FANK1: variants seen among roughly 807,000 people sequenced by gnomAD.
FANK1 encodes fibronectin type 3 and ankyrin repeat domains protein 1.
Under a neutral mutation model 45.3 loss-of-function variants are expected in FANK1, and 44 were observed. The ratio of observed to expected loss-of-function variants is 0.97; its 90% CI spans 0.76 to 1.25. The LOEUF is 1.25. Ranked by LOEUF, FANK1 falls within the 50% of genes most tolerant of loss-of-function variation. The pLI, the probability that FANK1 is intolerant of heterozygous loss-of-function variation, is 0.00. For missense variants in FANK1, 391 were observed against 424.4 expected (o/e 0.92, Z 0.69); for synonymous variants, 149 against 152.5 (o/e 0.98, Z 0.17).
At chr10:125,961,083 TTCG>T (rs1284450513) in intron 1 of FANK1, among the ~76,000 whole-genome samples, 1 of 152,172 alleles carries the variant, frequency 6.6e-6, no homozygotes, top group Non-Finnish European at 1.5e-5. Flanking sequence ...AAGTAATGTA[TTCG>T]TCTACAGCCA....
chr10:125,973,898 T>C (rs1264632357), intron 1 of FANK1: 1 of 152,194 alleles, frequency 6.6e-6, no homozygotes, highest in African/African-American at 2.4e-5. Context: ...GTAGTGTTTT[T>C]TGCGTGTTAT....
At chr10:125,964,543 G>A (rs547759122) in intron 1 of FANK1, among the ~76,000 whole-genome samples, 3 of 152,082 alleles carry the variant, frequency 2.0e-5, no homozygotes, top group East Asian at 1.9e-4. Context: ...TTTGTGATTC[G>A]ACCTTACCCT....
At chr10:125,906,154 A>G (rs1945492928) in intron 1 of FANK1, among the ~76,000 whole-genome samples, 1 of 152,230 alleles carries the variant, frequency 6.6e-6, no homozygotes, top group Non-Finnish European at 1.5e-5. Flanking sequence ...CTAGTCTTTA[A>G]TATTCTGCCC....
At chr10:125,914,122 A>G (rs1946253039) in intron 1 of FANK1, among the ~76,000 whole-genome samples, 1 of 152,170 alleles carries the variant, frequency 6.6e-6, no homozygotes, top group Non-Finnish European at 1.5e-5. Context: ...TCATTACAGT[A>G]TGAAACCCTG....
intron 1 of FANK1, among the ~76,000 whole-genome samples, chr10:125,946,014 G>A (rs1434766114): frequency 6.6e-6 from 1 of 152,118 alleles, no homozygotes; most frequent in Non-Finnish European, 1.5e-5. Context: ...ACCTCACACG[G>A]CAGGGTATTC....
At chr10:125,956,225 T>C (rs1356461871) in intron 1 of FANK1, among the ~76,000 whole-genome samples, 1 of 106,430 alleles carries the variant, frequency 9.4e-6, no homozygotes, top group African/African-American at 3.5e-5. Context: ...GTGGTGGGGG[T>C]AAAGGGAGGA....
chr10:125,902,138 C>T (rs1174370212), intron 1 of FANK1, among the ~76,000 whole-genome samples: 1 of 152,018 alleles, frequency 6.6e-6, no homozygotes, highest in Non-Finnish European at 1.5e-5. Context: ...GGAGGGATAG[C>T]GTTAGGAGAT....
chr10:125,985,502 A>T (rs1184756150), intron 2 of FANK1, among the ~76,000 whole-genome samples: 1 of 152,098 alleles, frequency 6.6e-6, no homozygotes, highest in East Asian at 1.9e-4. Flanking sequence ...TTTTACTTTT[A>T]TGGTAAATGT....
At chr10:125,960,886 A>T (rs571798931) in intron 1 of FANK1, among the ~76,000 whole-genome samples, 67 of 152,260 alleles carry the variant, frequency 4.4e-4, no homozygotes, top group African/African-American at 1.6e-3. Context: ...AGAAATAAAA[A>T]AAATCTTAAA....
intron 1 of FANK1, among the ~76,000 whole-genome samples, chr10:125,929,544 A>AT (rs1947610753): frequency 6.6e-6 from 1 of 152,178 alleles, no homozygotes; most frequent in African/African-American, 2.4e-5. Context: ...ATTTTGGGGT[A>AT]TTTTTTTGAG....
rs553679922 is a variant in FANK1 at position 125,990,177 on chromosome 10, T to C, written c.316+1502T>C. On this transcript the variant is annotated intron_variant, in intron 3 of 10. Transcript: ENST00000368693. ...ATGAACACTTCTTGCATCTTAAGTA[T>C]TTGTCTACCTTTTGGTCTCTCACCT... is the stretch of plus-strand genomic sequence containing the variant. 2.6e-5 allele frequency among the ~76,000 whole-genome samples: 4 copies of C among 152,336 alleles called. No individual in the cohort carries two copies. The East Asian group carries it at 7.7e-4, about 29-fold the overall frequency.
chr10:125,988,377 G>A (rs114726015), intron 2 of FANK1, among the ~76,000 whole-genome samples, 174 bp from the exon 3 acceptor site: 2,108 of 152,292 alleles, frequency 0.014, 48 homozygotes, highest in African/African-American at 0.046. Context: ...GGATAGGGAT[G>A]GGGCGCCATG....
intron 1 of FANK1, among the ~76,000 whole-genome samples, chr10:125,929,173 G>A (rs2134139576): frequency 6.6e-6 from 1 of 152,330 alleles, no homozygotes; most frequent in East Asian, 1.9e-4. Context: ...TTGAGCTGCA[G>A]AAAGAAACAG....
chr10:125,896,986 C>T (rs1390072360), intron 1 of FANK1, among the ~76,000 whole-genome samples: 1 of 152,280 alleles, frequency 6.6e-6, no homozygotes, highest in African/African-American at 2.4e-5. Flanking sequence ...TTTACTCCTC[C>T]TCCTACTCAT....
At chr10:125,980,093 T>G (rs1951101535) in intron 1 of FANK1, 68 bp from the exon 2 acceptor site, 1 of 1,512,790 alleles carries the variant, frequency 6.6e-7, no homozygotes, top group Non-Finnish European at 9.0e-7. Flanking sequence ...GCAGCTGTAA[T>G]CCACTCGACT....
chr10:125,973,549 A>G (rs1032283565), intron 1 of FANK1: 2 of 790,324 alleles, frequency 2.5e-6, no homozygotes, highest in African/African-American at 1.9e-5. Context: ...CAGTATCTAG[A>G]ACCCTGAAAT....
intron 1 of FANK1, among the ~76,000 whole-genome samples, chr10:125,939,546 G>GTA (rs1423936588): frequency 6.6e-6 from 1 of 152,138 alleles, no homozygotes; most frequent in African/African-American, 2.4e-5. Flanking sequence ...CTTTCTGTAG[G>GTA]TATAGAATTT....
chr10:125,968,255 C>T (rs76482667), intron 1 of FANK1, among the ~76,000 whole-genome samples: 2,258 of 152,150 alleles, frequency 0.015, 25 homozygotes, highest in Non-Finnish European at 0.024. Flanking sequence ...GGCCACTGCA[C>T]CTGACCTAGA....
chr10:125,996,399 TA>T, intron 4 of FANK1, 150 bp from the exon 5 acceptor site: 1 of 645,100 alleles, frequency 1.6e-6, no homozygotes, highest in Non-Finnish European at 2.7e-6. Flanking sequence ...CTTAGCAGTC[TA>T]AGACAAGAAA....
Sources: gnomAD v4.1 joint callset for allele counts (sites outside exome capture counted in the v4.1 genomes callset) on GRCh38, gnomAD v4.1.1 for gene constraint, MANE v1.5 for transcripts, NCBI Gene and HGNC (gene_info 2026-07-23, HGNC 2026-07-21) for gene names.